The following CYFIP2 variants were observed in gnomAD, a reference collection of about 807,000 sequenced individuals.
The protein encoded by CYFIP2 is cytoplasmic FMR1 interacting protein 2.
In CYFIP2, 29 loss-of-function variants were observed where a neutral mutation model predicts 158.7. The observed-to-expected ratio is 0.18, with a 90% CI of 0.14 to 0.25. The LOEUF (loss-of-function observed/expected upper bound fraction) is 0.25, where lower values mean the gene tolerates loss of function less well. Ranked by LOEUF, CYFIP2 falls within the 10% of genes least tolerant of loss-of-function variation. The pLI, the probability that CYFIP2 is intolerant of heterozygous loss-of-function variation, is 1.00. For synonymous variants in CYFIP2, 585 were observed against 617.6 expected (o/e 0.95, Z 0.78); for missense variants, 852 against 1,639.5 (o/e 0.52, Z 8.29).
At chr5:157,296,923 G>A (rs1263425949) in intron 5 of CYFIP2, 149 bp downstream of exon 5, 5 of 601,978 alleles carry the variant, frequency 8.3e-6, no homozygotes, top group East Asian at 2.9e-5. Context: ...TGAGCAAGAC[G>A]GATGAGTCTC....
chr5:157,347,051 G>A (rs1252367098), intron 23 of CYFIP2, among the ~76,000 whole-genome samples: 1 of 152,188 alleles, frequency 6.6e-6, no homozygotes, highest in Non-Finnish European at 1.5e-5. Flanking sequence ...ATGTAGACCT[G>A]AATAAATTTA....
In CYFIP2 at chr5:157,306,430, C is replaced by A. The variant is rs138579640; in HGVS notation, c.796-1331C>A. Among the ~76,000 whole-genome samples, 3 of 152,280 alleles carry A rather than the reference C, an allele frequency of 2.0e-5. No homozygotes were observed. The East Asian group carries it at 5.8e-4, about 29-fold the overall frequency. ...GCGGCCTTCAAATTCTCCAGCCCCC[C>A]ATACCCGGACTTCCCTGCCTTCTTC... On this transcript the variant is annotated intron_variant, in intron 8 of 30. Transcript: ENST00000620254.
At chr5:157,369,608 A>T (rs1405190100) in intron 26 of CYFIP2, among the ~76,000 whole-genome samples, 1 of 152,200 alleles carries the variant, frequency 6.6e-6, no homozygotes, top group African/African-American at 2.4e-5. Flanking sequence ...TGTGAGCCTT[A>T]CCAGTAACTG....
At chr5:157,377,071 C>T in intron 26 of CYFIP2, 1 of 322,256 alleles carries the variant, frequency 3.1e-6, no homozygotes, top group South Asian at 2.4e-5. Flanking sequence ...TCACTTCCTT[C>T]TATCTCCTTT....
rs185448909 is a variant in CYFIP2 at position 157,302,577 on chromosome 5, T to A, written c.570-217T>A. 6.6e-5 allele frequency among the ~76,000 whole-genome samples: 10 copies of A among 152,306 alleles called. No homozygotes were observed. In the East Asian group the frequency reaches 1.9e-3, roughly 29 times the overall value. On this transcript the variant is annotated intron_variant, in intron 6 of 30. Transcript: ENST00000620254. ...TTCTTAGTACATTCCTGCCTTTTAA[T>A]TTAAGGGGCCCTTATTACAAGGGTG...
chr5:157,290,938 G>A (rs1757774464), intron 3 of CYFIP2, among the ~76,000 whole-genome samples: 1 of 152,192 alleles, frequency 6.6e-6, no homozygotes, highest in African/African-American at 2.4e-5. Context: ...AGAGTTGAGG[G>A]TTCTTTGCTG....
In CYFIP2 at chr5:157,394,187, C is replaced by A. The variant is rs1767569255; in HGVS notation, c.*1187C>A. 2 of 152,142 alleles carry A rather than the reference C, an allele frequency of 1.3e-5. No homozygotes were observed. Among genetic ancestry groups the A allele is most frequent in the Non-Finnish European group, 2.9e-5 (2 of 68,032 alleles). 9.4% of individuals were successfully genotyped at this position (152,142 alleles called of 1,614,324 possible). On this transcript the variant is annotated 3_prime_UTR_variant, in exon 31 of 31. Transcript: ENST00000620254. ...GGTGTGGCTTCTCTCCCAGGGGTAA[C>A]ATTTACTTCCATTTTCTAGACTGAA...
In CYFIP2 at chr5:157,299,898, T is replaced by TCAAAA. The variant is rs763119891; in HGVS notation, c.388-796_388-792dup. On this transcript the variant is annotated intron_variant, in intron 5 of 30. Transcript: ENST00000620254. ...GCCTGGGTAACAGTGAAACTCCATCTCAAAACAAAACAAAACAAAACAAAA... is the reference window on the plus strand; with the variant it reads ...GCCTGGGTAACAGTGAAACTCCATCTCAAAACAAAACAAAACAAAACAAAACAAAA... Among the ~76,000 whole-genome samples, 18 of 152,232 alleles carry TCAAAA rather than the reference T, an allele frequency of 1.2e-4. 1 individual carries two copies. Among genetic ancestry groups the TCAAAA allele is most frequent in the Middle Eastern group, 3.4e-3 (1 of 294 alleles).
chr5:157,279,833 C>T (rs570246705), intron 1 of CYFIP2, among the ~76,000 whole-genome samples: 3 of 152,300 alleles, frequency 2.0e-5, no homozygotes, highest in South Asian at 4.1e-4. Flanking sequence ...TGGAAGATTG[C>T]GTAACAGGCA....
chr5:157,293,302 G>A (rs533447135), intron 3 of CYFIP2, among the ~76,000 whole-genome samples: 7 of 152,090 alleles, frequency 4.6e-5, no homozygotes, highest in East Asian at 1.9e-4. Flanking sequence ...ATGATCCACC[G>A]GCTTCAGCCT....
In CYFIP2 at chr5:157,325,504, C is replaced by T. The variant is rs767132778; in HGVS notation, c.1848C>T (p.Asp616=). The change falls in exon 17 of 31, where the codon GAC becomes GAT. Residue 616 remains aspartate, a synonymous_variant. Transcript: ENST00000620254. ...NISEALQQCC[D]LSQLWFREFF... is the part of the protein sequence containing the mutation. ...CAGAAGCCCTGCAGCAGTGTTGTGACCTCTCCCAGCTCTGGTTCCGAGAAT... is the reference window on the plus strand; with the variant it reads ...CAGAAGCCCTGCAGCAGTGTTGTGATCTCTCCCAGCTCTGGTTCCGAGAAT... 3 of 1,613,124 alleles carry T rather than the reference C, an allele frequency of 1.9e-6. No homozygotes were observed. The highest frequency in any genetic ancestry group is 2.5e-6 in the Non-Finnish European group (3 of 1,179,492).
At chr5:157,296,589 G>A (rs1382725800) in intron 4 of CYFIP2, 84 bp from the exon 5 acceptor site, 3 of 1,295,642 alleles carry the variant, frequency 2.3e-6, no homozygotes, top group Non-Finnish European at 3.3e-6. Flanking sequence ...GCAAGACCCT[G>A]TCTCAAAAAC....
chr5:157,361,655 C>T lies in CYFIP2; in HGVS notation c.3039+57C>T. On this transcript the variant is annotated intron_variant, in intron 26 of 30. Coordinates refer to ENST00000620254, the MANE Select transcript of CYFIP2 (RefSeq NM_001037333.3). This position sits in a 1 kb window ranked among gnomAD's most constrained non-coding sequence, Gnocchi z 4.4. ...CTCCAGGTTGGAGGGGATGCCAACC[C>T]CAAGCAGATATTGAGGCTCCTGCAG... is the stretch of plus-strand genomic sequence containing the variant. The T allele has an allele frequency of 6.2e-7, 1 of 1,604,282 alleles. No individual in the cohort carries two copies.
At chr5:157,317,294 AG>A (rs1475389393) in intron 13 of CYFIP2, among the ~76,000 whole-genome samples, 2 of 152,224 alleles carry the variant, frequency 1.3e-5, no homozygotes, top group African/African-American at 4.8e-5. Context: ...AAAATTAAAA[AG>A]AAAAGTAGTT....
intron 21 of CYFIP2, among the ~76,000 whole-genome samples, chr5:157,336,173 T>A (rs1761843580): frequency 6.6e-6 from 1 of 152,116 alleles, no homozygotes; most frequent in South Asian, 2.1e-4. Flanking sequence ...AAAAACTCCA[T>A]TCTGAGATGG....
intron 20 of CYFIP2, 102 bp from the exon 21 acceptor site, chr5:157,333,225 A>T: frequency 6.7e-7 from 1 of 1,483,322 alleles, no homozygotes; most frequent in South Asian, 1.2e-5. Context: ...TGGCAGTCTC[A>T]CTCCCACCTT....
At chr5:157,334,386 T>C (rs1327123034) in intron 21 of CYFIP2, among the ~76,000 whole-genome samples, 1 of 152,172 alleles carries the variant, frequency 6.6e-6, no homozygotes, top group Non-Finnish European at 1.5e-5. Flanking sequence ...CTACAAATGG[T>C]TAAAATGTTC....
At chr5:157,359,404 C>T (rs1561763232) in intron 24 of CYFIP2, among the ~76,000 whole-genome samples, 1 of 152,178 alleles carries the variant, frequency 6.6e-6, no homozygotes, top group Non-Finnish European at 1.5e-5. Context: ...TATTTGATGA[C>T]TGAACTCAGA....
At chr5:157,384,067 GATAGA>G (rs1480689607) in intron 28 of CYFIP2, 5 of 342,438 alleles carry the variant, frequency 1.5e-5, no homozygotes, top group African/African-American at 6.4e-5. Flanking sequence ...AGAGAGATGA[GATAGA>G]ATAGAGTGGG....
Sources: gnomAD v4.1 joint callset for allele counts (sites outside exome capture counted in the v4.1 genomes callset) on GRCh38, gnomAD v4.1.1 for gene constraint, Gnocchi (gnomAD v3.1) non-coding constraint, MANE v1.5 for transcripts, NCBI Gene and HGNC (gene_info 2026-07-23, HGNC 2026-07-21) for gene names.